Variants in CCDC150 observed in about 807,000 individuals in gnomAD.
CCDC150 encodes coiled-coil domain-containing protein 150.
Under a neutral mutation model 156.5 loss-of-function variants are expected in CCDC150, and 151 were observed. The observed-to-expected ratio is 0.97, with a 90% CI of 0.85 to 1.10. The LOEUF is 1.10. Among genes scored for constraint, CCDC150 ranks in the 50% least tolerant of loss-of-function variants. The probability of loss-of-function intolerance (pLI) is 0.00; values close to 1 mark genes in which losing one functional copy is unlikely to be tolerated. For missense variants in CCDC150, 1,312 were observed against 1,268.1 expected, an observed-to-expected ratio of 1.03 and a Z score of -0.53; for synonymous variants, 452 against 429.4, an observed-to-expected ratio of 1.05 and a Z score of -0.65.
At position 196,712,657 on chromosome 2, in the gene CCDC150, CTT is replaced by C. The variant is rs778755113; in HGVS notation, c.1804-18_1804-17del. Reference sequence around the variant, plus strand: ...TTTGGCAGTTGTGAGGAACAAGTATCTTTGTTTTTTGAATTAAAGGCAAACTC... The same window carrying C: ...TTTGGCAGTTGTGAGGAACAAGTATCTGTTTTTTGAATTAAAGGCAAACTC... On this transcript the variant is annotated intron_variant, in intron 16 of 27. Coordinates refer to ENST00000389175, the MANE Select transcript of CCDC150 (RefSeq NM_001080539.2). 1.3e-6 allele frequency: 2 copies of C among 1,595,018 alleles called. No individual in the cohort carries two copies. The highest frequency in any genetic ancestry group is 1.1e-5 in the South Asian group (1 of 88,094).
chr2:196,685,526 T>A (rs1246930643), intron 13 of CCDC150, among the ~76,000 whole-genome samples: 1 of 152,158 alleles, frequency 6.6e-6, no homozygotes, highest in East Asian at 1.9e-4. Flanking sequence ...CATTTTTATT[T>A]ATCTGGGAAT....
At chr2:196,713,355 C>T (rs957334552) in intron 17 of CCDC150, 28 of 1,455,846 alleles carry the variant, frequency 1.9e-5, no homozygotes, top group East Asian at 2.5e-5. Flanking sequence ...TAATAATTGA[C>T]GATGCCTCTA....
intron 12 of CCDC150, chr2:196,677,044 A>T: frequency 1.5e-6 from 1 of 682,684 alleles, no homozygotes; most frequent in Non-Finnish European, 2.7e-6. Context: ...GTTAAGGGGG[A>T]ACAGCCCTGT....
At chr2:196,695,829 C>A (rs971573333) in intron 14 of CCDC150, among the ~76,000 whole-genome samples, 6 of 149,638 alleles carry the variant, frequency 4.0e-5, no homozygotes, top group African/African-American at 1.5e-4. Context: ...AAAAAAAAAT[C>A]TTCTCCAAGT....
chr2:196,683,677 G>A (rs913015356), intron 13 of CCDC150, among the ~76,000 whole-genome samples: 2 of 151,874 alleles, frequency 1.3e-5, no homozygotes, highest in Admixed American at 6.6e-5. Context: ...TCTTTGTTTG[G>A]TTTATTATTT....
chr2:196,732,374 G>T, intron 27 of CCDC150, 72 bp from the exon 28 acceptor site: 1 of 1,236,426 alleles, frequency 8.1e-7, no homozygotes, highest in African/African-American at 1.5e-5. Flanking sequence ...GACATGTGTA[G>T]AGGCAAAACA....
chr2:196,686,933 G>A (rs1189821211), intron 13 of CCDC150, among the ~76,000 whole-genome samples: 3 of 152,078 alleles, frequency 2.0e-5, no homozygotes, highest in African/African-American at 7.2e-5. Context: ...TCACGAGGAC[G>A]TGATCTCATT....
intron 13 of CCDC150, among the ~76,000 whole-genome samples, chr2:196,690,241 A>AGGAGGGG (rs1362160228): frequency 7.2e-6 from 1 of 138,350 alleles, no homozygotes; most frequent in African/African-American, 2.6e-5. Context: ...GGCGGGAGGG[A>AGGAGGGG]GGAGGGGGGA....
At chr2:196,692,997 C>T (rs1310466746) in intron 13 of CCDC150, among the ~76,000 whole-genome samples, 1 of 152,096 alleles carries the variant, frequency 6.6e-6, no homozygotes, top group African/African-American at 2.4e-5. Context: ...TCTGGGTGCT[C>T]CTGTGTTGGA....
chr2:196,725,605 C>T (rs1003873222), intron 21 of CCDC150, among the ~76,000 whole-genome samples: 2 of 152,186 alleles, frequency 1.3e-5, no homozygotes, highest in Non-Finnish European at 2.9e-5. Flanking sequence ...CAGGCTGACT[C>T]CAAAACCCAT....
At chr2:196,656,541 T>C in intron 2 of CCDC150, 92 bp from the exon 3 acceptor site, 1 of 851,692 alleles carries the variant, frequency 1.2e-6, no homozygotes, top group South Asian at 1.7e-5. Context: ...CAATTATTAT[T>C]CTTATTGGAA....
intron 15 of CCDC150, among the ~76,000 whole-genome samples, chr2:196,709,575 G>C (rs914557257): frequency 2.0e-5 from 3 of 152,168 alleles, no homozygotes; most frequent in Non-Finnish European, 2.9e-5. Context: ...TCCTTTGGGG[G>C]AGAAGAGGCA....
At chr2:196,695,853 A>G (rs1005104062) in intron 14 of CCDC150, among the ~76,000 whole-genome samples, 4 of 152,176 alleles carry the variant, frequency 2.6e-5, no homozygotes, top group African/African-American at 9.7e-5. Flanking sequence ...GGGGATTTGA[A>G]GATATGGTCA....
intron 13 of CCDC150, among the ~76,000 whole-genome samples, chr2:196,687,339 G>A (rs1289296915): frequency 6.6e-6 from 1 of 152,188 alleles, no homozygotes; most frequent in Non-Finnish European, 1.5e-5. Context: ...GTATCTCATT[G>A]TGGTTTTGAT....
chr2:196,690,373 A>G (rs1051704267), intron 13 of CCDC150, among the ~76,000 whole-genome samples: 40 of 152,330 alleles, frequency 2.6e-4, no homozygotes, highest in Non-Finnish European at 3.1e-4. Context: ...CCTAAAACTT[A>G]AAGTATAATA....
chr2:196,697,779 C>G (rs1695925501), intron 14 of CCDC150, among the ~76,000 whole-genome samples: 1 of 152,184 alleles, frequency 6.6e-6, no homozygotes. Flanking sequence ...GTGTATTCTT[C>G]TAACAGCTTC....
chr2:196,653,817 A>G (rs1016014327), intron 2 of CCDC150, among the ~76,000 whole-genome samples: 10 of 152,130 alleles, frequency 6.6e-5, no homozygotes, highest in Non-Finnish European at 1.2e-4. Flanking sequence ...TGTGTTGCTT[A>G]TAAGGGAATA....
intron 13 of CCDC150, among the ~76,000 whole-genome samples, chr2:196,682,245 CCT>C (rs888332484): frequency 1.3e-5 from 2 of 151,868 alleles, no homozygotes; most frequent in African/African-American, 2.4e-5. Context: ...TTTTCACTCC[CCT>C]GTCAAAAATC....
Position 196,658,824 on chromosome 2 carries a change from G to A in CCDC150, c.609G>A (p.Lys203=), listed in dbSNP as rs1312008961. 6.2e-7 allele frequency: 1 copy of A among 1,606,184 alleles called. No homozygotes were observed. The highest frequency in any genetic ancestry group is 2.2e-5 in the East Asian group (1 of 44,706). Residue 203 remains lysine (K), a synonymous_variant, in exon 5 of 28, where the codon AAG becomes AAA. Coordinates refer to ENST00000389175, the MANE Select transcript of CCDC150 (RefSeq NM_001080539.2). ...KNAAIIEEEL[K]TTKRKMNLKI... The stretch of plus-strand genomic sequence containing the variant: ...CAGCCATTATTGAAGAGGAACTGAA[G>A]ACCACAAAACGTAAAATGAACCTTA...
Sources: allele counts gnomAD v4.1 joint callset (sites outside exome capture counted in the v4.1 genomes callset), GRCh38; gene constraint gnomAD v4.1.1; transcripts MANE v1.5; gene names NCBI Gene and HGNC (gene_info 2026-07-23, HGNC 2026-07-21).